The following NWD1 variants were observed in gnomAD, a reference collection of about 807,000 sequenced individuals.
NWD1 encodes NACHT and WD repeat domain containing 1.
In NWD1, 129 loss-of-function variants were observed where a neutral mutation model predicts 135.1. The ratio of observed to expected loss-of-function variants is 0.96; its 90% CI spans 0.83 to 1.11. The LOEUF is 1.11. Ranked by LOEUF, NWD1 falls within the 50% of genes least tolerant of loss-of-function variation. The pLI is 0.00. For missense variants in NWD1, 1,740 were observed against 1,851.3 expected (o/e 0.94, Z 1.10); for synonymous variants, 773 against 786.0 (o/e 0.98, Z 0.28).
intron 2 of NWD1, among the ~76,000 whole-genome samples, chr19:16,728,281 C>CTTTTTTTTTTTTTTTT: frequency 8.3e-6 from 1 of 119,906 alleles, no homozygotes; most frequent in Non-Finnish European, 1.7e-5. Flanking sequence ...GGTCACTGCT[C>CTTTTTTTTTTTTTTTT]TTTTTTTTTT....
intron 11 of NWD1, among the ~76,000 whole-genome samples, chr19:16,773,969 TCCA>T (rs2122955499): frequency 8.8e-6 from 1 of 114,108 alleles, no homozygotes; most frequent in South Asian, 3.0e-4. Context: ...CATCCATCCA[TCCA>T]TCCATTAATT....
At position 16,805,431 on chromosome 19, in the gene NWD1, C is replaced by G. The variant is rs1970720755; in HGVS notation, c.3737-2155C>G. Reference sequence around the variant, plus strand: ...GTGGTCTTGACCTCCTGGGCTCAAGCAATCTGCCTGCCTCAGCCTCCCAAA... The same window carrying G: ...GTGGTCTTGACCTCCTGGGCTCAAGGAATCTGCCTGCCTCAGCCTCCCAAA... On this transcript the variant is annotated intron_variant, in intron 17 of 18. Coordinates refer to ENST00000524140, the MANE Select transcript of NWD1 (RefSeq NM_001007525.5). Among the ~76,000 whole-genome samples the G allele has an allele frequency of 2.6e-5, 4 of 152,192 alleles. No individual in the cohort carries two copies. The South Asian group carries it at 8.3e-4, about 32-fold the overall frequency.
chr19:16,738,517 C>T (rs1022614791), intron 4 of NWD1, among the ~76,000 whole-genome samples: 2 of 145,208 alleles, frequency 1.4e-5, no homozygotes, highest in African/African-American at 2.6e-5. Flanking sequence ...TGGAGTGAGC[C>T]GAGATTGTGC....
At chr19:16,752,757 G>A (rs1357060147) in intron 6 of NWD1, among the ~76,000 whole-genome samples, 1 of 152,192 alleles carries the variant, frequency 6.6e-6, no homozygotes, top group Non-Finnish European at 1.5e-5. Flanking sequence ...AGCACTTTGG[G>A]AGGCCAAGGT....
At chr19:16,814,909 G>A (rs1174540801) in intron 18 of NWD1, 119 bp from the exon 19 acceptor site, 2 of 808,578 alleles carry the variant, frequency 2.5e-6, no homozygotes, top group Non-Finnish European at 4.0e-6. Context: ...TAAATGTCAT[G>A]CCAAAATTAG....
At chr19:16,792,169 C>T (rs1034369356) in intron 14 of NWD1, among the ~76,000 whole-genome samples, 5 of 152,110 alleles carry the variant, frequency 3.3e-5, no homozygotes, top group African/African-American at 1.2e-4. Context: ...TTGAGAGTTG[C>T]GCCACAGAGG....
intron 12 of NWD1, among the ~76,000 whole-genome samples, chr19:16,780,905 C>T (rs912318956): frequency 2.0e-5 from 3 of 152,100 alleles, no homozygotes; most frequent in Admixed American, 6.6e-5. Flanking sequence ...GCAATCCTCT[C>T]GCCTTGTCCT....
At chr19:16,727,532 G>A (rs1386981800) in intron 2 of NWD1, 1 of 152,590 alleles carries the variant, frequency 6.6e-6, no homozygotes, top group Non-Finnish European at 1.5e-5. Flanking sequence ...CCAGGGGAAG[G>A]GTCATCTTGG....
chr19:16,733,246 C>A (rs935360832), intron 3 of NWD1, among the ~76,000 whole-genome samples: 1 of 151,180 alleles, frequency 6.6e-6, no homozygotes, highest in South Asian at 2.1e-4. Context: ...CTGGGCCGGG[C>A]GAAGTGGCTC....
In NWD1 at chr19:16,791,632, T is replaced by A. The variant is rs1191483430; in HGVS notation, c.3213+10T>A. 7.4e-6 allele frequency: 12 copies of A among 1,613,282 alleles called. No homozygotes were observed. Among genetic ancestry groups the A allele is most frequent in the Admixed American group, 1.7e-5 (1 of 60,004 alleles). ...TGGCTCCATCTCTTTGGTAAGCACC[T>A]TTACTGACTATGATGTGAACATTAA... On this transcript the variant is annotated intron_variant, in intron 14 of 18. Transcript: ENST00000524140.
intron 15 of NWD1, among the ~76,000 whole-genome samples, chr19:16,796,092 G>A (rs1052127555): frequency 6.6e-6 from 1 of 152,182 alleles, no homozygotes; most frequent in African/African-American, 2.4e-5. Context: ...TATAGGCACA[G>A]GATGGGGGAG....
chr19:16,739,284 G>A (rs10409653), intron 4 of NWD1, among the ~76,000 whole-genome samples: 6,738 of 130,038 alleles, frequency 0.052, 192 homozygotes, highest in Middle Eastern at 0.15. Context: ...TTGAGCCCAG[G>A]AGTTCAAGAC....
intron 3 of NWD1, among the ~76,000 whole-genome samples, chr19:16,731,578 T>C (rs1256469188): frequency 6.7e-6 from 1 of 150,020 alleles, no homozygotes; most frequent in Non-Finnish European, 1.5e-5. Flanking sequence ...ATGCTGGGAT[T>C]ACAGGCGTGA....
chr19:16,754,665 A>G (rs1179091922), intron 6 of NWD1, among the ~76,000 whole-genome samples: 3 of 148,942 alleles, frequency 2.0e-5, no homozygotes, highest in African/African-American at 7.5e-5. Context: ...TCTTCCTTGC[A>G]TCCATCATCT....
intron 6 of NWD1, among the ~76,000 whole-genome samples, chr19:16,754,587 T>A (rs1274945735): frequency 1.4e-5 from 2 of 147,756 alleles, no homozygotes; most frequent in African/African-American, 5.1e-5. Flanking sequence ...CATCTATCCT[T>A]CCATCCATCA....
chr19:16,797,710 AC>A (rs1342458259), intron 15 of NWD1, 21 bp from the exon 16 acceptor site: 2 of 1,609,566 alleles, frequency 1.2e-6, no homozygotes. Flanking sequence ...GAGAGGTGTA[AC>A]CCCAGTTCCT....
rs551339514 is a variant in NWD1 at position 16,782,591 on chromosome 19, A to G, written c.2731+3126A>G. Among the ~76,000 whole-genome samples, 6 of 152,334 alleles carry G rather than the reference A, an allele frequency of 3.9e-5. No individual in the cohort carries two copies. In the South Asian group the frequency reaches 6.2e-4, roughly 16 times the overall value. On this transcript the variant is annotated intron_variant, in intron 12 of 18. Transcript: ENST00000524140. ...TTAAAGGGGTGCCCTAAAAGGCTCA[A>G]TTGACAAGATACATAATATTATGAC...
At position 16,815,129 on chromosome 19, in the gene NWD1, G is replaced by T. The variant is rs368694270; in HGVS notation, c.*90G>T. 1 of 1,362,494 alleles carries T rather than the reference G, an allele frequency of 7.3e-7. No individual in the cohort carries two copies. Among genetic ancestry groups the T allele is most frequent in the Non-Finnish European group, 1.1e-6 (1 of 950,476 alleles). The allele number at this position is 1,362,494 out of a possible 1,614,324, so 84.4% of individuals were successfully genotyped here. ...CACCAGGCATGGTTATCTGATCCGA[G>T]AGAATTTCCAGTGCCTTTCAGCAAA... On this transcript the variant is annotated 3_prime_UTR_variant, in exon 19 of 19. Transcript: ENST00000524140.
intron 2 of NWD1, among the ~76,000 whole-genome samples, chr19:16,730,957 C>A (rs913083105): frequency 1.5e-5 from 2 of 137,814 alleles, no homozygotes; most frequent in Admixed American, 1.6e-4. Flanking sequence ...GAGGCTTTAG[C>A]CGCAGGCCAG....
Sources: gnomAD v4.1 joint callset for allele counts (sites outside exome capture counted in the v4.1 genomes callset) on GRCh38, gnomAD v4.1.1 for gene constraint, MANE v1.5 for transcripts, NCBI Gene and HGNC (gene_info 2026-07-23, HGNC 2026-07-21) for gene names.